The following ESR1 variants were observed in gnomAD, a reference collection of about 807,000 sequenced individuals.
The protein encoded by ESR1 is estrogen receptor.
Under a neutral mutation model 52.7 loss-of-function variants are expected in ESR1, and 12 were observed. The ratio of observed to expected loss-of-function variants is 0.23; its 90% CI spans 0.15 to 0.37. ESR1 has a LOEUF of 0.37. ESR1 is among the 10% of genes least tolerant of loss of function. ESR1 has a pLI of 1.00. For synonymous variants in ESR1, 305 were observed against 316.8 expected, an observed-to-expected ratio of 0.96 and a Z score of 0.39; for missense variants, 584 against 779.7, an observed-to-expected ratio of 0.75 and a Z score of 2.99.
chr6:151,696,531 C>T (rs996047015), intron 1 of ESR1, among the ~76,000 whole-genome samples: 6 of 151,424 alleles, frequency 4.0e-5, no homozygotes, highest in African/African-American at 1.2e-4. Context: ...AGTAGTGCCT[C>T]GGGTGCATAG....
rs184966503 is a variant in ESR1, at chr6:151,907,463, A to G, written c.760+26692A>G. Among the ~76,000 whole-genome samples the G allele has an allele frequency of 3.2e-4, 48 of 152,196 alleles. 1 individual carries two copies. Among genetic ancestry groups the G allele is most frequent in the Non-Finnish European group, 6.3e-4 (43 of 67,974 alleles). On this transcript the variant is annotated intron_variant, in intron 3 of 7. Coordinates refer to ENST00000206249, the MANE Select transcript of ESR1 (RefSeq NM_000125.4). ...CTCATCTTACTGATATTTTAAAGAC[A>G]TATCTTTTTAAAAATTATATTATTA...
In ESR1 at chr6:152,025,590, G is replaced by A. The variant is rs76058053; in HGVS notation, c.1235+13796G>A. Among the ~76,000 whole-genome samples the A allele has an allele frequency of 5.7e-4, 86 of 151,986 alleles. No homozygotes were observed. The East Asian group carries it at 9.5e-3, about 17-fold the overall frequency. The stretch of plus-strand genomic sequence containing the variant: ...CTCTGGTTTGATGGTTACTTTGACC[G>A]TATAATTTATTTTGTGTATTTATGC... On this transcript the variant is annotated intron_variant, in intron 5 of 7. Transcript: ENST00000206249.
chr6:151,776,443 G>A (rs1373461706), intron 2 of ESR1, among the ~76,000 whole-genome samples: 2 of 152,238 alleles, frequency 1.3e-5, no homozygotes, highest in African/African-American at 2.4e-5. Context: ...GCTCAAGCCA[G>A]TTATGGAGCT....
At chr6:151,847,267 A>G (rs1785301972) in intron 2 of ESR1, among the ~76,000 whole-genome samples, 1 of 152,210 alleles carries the variant, frequency 6.6e-6, no homozygotes, top group African/African-American at 2.4e-5. Flanking sequence ...CACCCTGGAT[A>G]GCTCCTTTAA....
exon 7 of ESR1, chr6:152,128,637 C>T (rs902947950): frequency 1.3e-5 from 2 of 152,354 alleles, no homozygotes; most frequent in Middle Eastern, 6.8e-3. Context: ...AACTCAGTCT[C>T]TTTCTCCTCT....
chr6:151,670,673 T>C (rs1052622267), intron 1 of ESR1, among the ~76,000 whole-genome samples: 4 of 151,512 alleles, frequency 2.6e-5, no homozygotes, highest in African/African-American at 9.7e-5. Context: ...AGCCTCCACC[T>C]CCCGGAATCA....
chr6:151,856,426 C>A (rs1261713041), intron 2 of ESR1, among the ~76,000 whole-genome samples: 2 of 152,140 alleles, frequency 1.3e-5, no homozygotes, highest in African/African-American at 2.4e-5. Flanking sequence ...TTAAAAATGG[C>A]TAGAGACTTT....
chr6:151,924,502 A>G (rs2032326547), intron 3 of ESR1, among the ~76,000 whole-genome samples: 1 of 152,042 alleles, frequency 6.6e-6, no homozygotes, highest in East Asian at 1.9e-4. Context: ...TTTGTGTCAC[A>G]GGGGTTTGGT....
intron 2 of ESR1, among the ~76,000 whole-genome samples, chr6:151,860,280 A>G (rs1396163700): frequency 6.6e-6 from 1 of 152,158 alleles, no homozygotes; most frequent in Non-Finnish European, 1.5e-5. Flanking sequence ...GAGTGAGAGC[A>G]CCTGAAATCT....
chr6:152,061,639 G>T lies in ESR1; in HGVS notation c.1369+515G>T, dbSNP rs1297670936. On this transcript the variant is annotated intron_variant, in intron 6 of 7. Coordinates refer to ENST00000206249, the MANE Select transcript of ESR1 (RefSeq NM_000125.4). The surrounding 1 kb of genome is among the most constrained non-coding windows in gnomAD (Gnocchi z 4.3). ...AATGTGGAATGCAATAAATTGTCCAGCTGAAAGAACATTTTCCATTTGCTC... is the reference window on the plus strand; with the variant it reads ...AATGTGGAATGCAATAAATTGTCCATCTGAAAGAACATTTTCCATTTGCTC... 6.6e-6 allele frequency among the ~76,000 whole-genome samples: 1 copy of T among 152,232 alleles called. No individual in the cohort carries two copies. Among genetic ancestry groups the T allele is most frequent in the Non-Finnish European group, 1.5e-5 (1 of 68,036 alleles).
intron 6 of ESR1, chr6:152,122,410 A>T (rs747313729): frequency 6.2e-7 from 1 of 1,613,978 alleles, no homozygotes; most frequent in East Asian, 2.2e-5. Flanking sequence ...TGCTACCAGC[A>T]CTTCTGCAGA....
intron 5 of ESR1, among the ~76,000 whole-genome samples, chr6:152,027,172 G>A (rs2044222378): frequency 1.3e-5 from 2 of 152,036 alleles, no homozygotes; most frequent in Admixed American, 1.3e-4. Flanking sequence ...CCCCATGTTG[G>A]CCAGGCTGGT....
intron 2 of ESR1, among the ~76,000 whole-genome samples, chr6:151,768,682 CATAG>C (rs941679998): frequency 2.0e-5 from 3 of 152,134 alleles, no homozygotes; most frequent in African/African-American, 7.2e-5. Context: ...TAGATAAGTT[CATAG>C]ATAGATAGAT....
At position 152,096,319 on chromosome 6, in the gene ESR1, T is replaced by C. The variant is rs113508562; in HGVS notation, c.1553+1751T>C. On this transcript the variant is annotated intron_variant, in intron 7 of 7. Transcript: ENST00000206249. ...GAAGGCCTATGATGTCTTAAGGAGG[T>C]TGGATTCGATCATTTTTAAGGGACC... 1.0e-3 allele frequency among the ~76,000 whole-genome samples: 152 copies of C among 152,266 alleles called. 1 individual carries two copies. Among genetic ancestry groups the C allele is most frequent in the African/African-American group, 3.5e-3 (145 of 41,552 alleles).
chr6:152,047,002 C>T (rs1305943470), intron 5 of ESR1, among the ~76,000 whole-genome samples: 2 of 152,210 alleles, frequency 1.3e-5, no homozygotes, highest in Non-Finnish European at 2.9e-5. Flanking sequence ...CTCTTACCCT[C>T]ATGAAGAACA....
intron 5 of ESR1, among the ~76,000 whole-genome samples, chr6:152,013,827 C>A (rs769074993): frequency 2.0e-5 from 3 of 152,036 alleles, no homozygotes; most frequent in Admixed American, 2.0e-4. Flanking sequence ...TACCTCTAGA[C>A]CAGGATTTGT....
At chr6:151,658,532 A>G (rs1183865779) in intron 1 of ESR1, among the ~76,000 whole-genome samples, 2 of 152,232 alleles carry the variant, frequency 1.3e-5, no homozygotes, top group African/African-American at 2.4e-5. Context: ...TGGAGTCAAT[A>G]TCATCATTTT....
At chr6:151,961,597 G>A (rs2037670433) in intron 4 of ESR1, among the ~76,000 whole-genome samples, 1 of 152,148 alleles carries the variant, frequency 6.6e-6, no homozygotes. Flanking sequence ...TCCTCACAGA[G>A]GAGGACAGGC....
At chr6:151,970,553 A>G (rs1443452360) in intron 4 of ESR1, among the ~76,000 whole-genome samples, 1 of 152,178 alleles carries the variant, frequency 6.6e-6, no homozygotes, top group African/African-American at 2.4e-5. Context: ...AAGAAATGCT[A>G]TGGCACAGAG....
Sources: allele counts gnomAD v4.1 joint callset (sites outside exome capture counted in the v4.1 genomes callset), GRCh38; gene constraint gnomAD v4.1.1; non-coding constraint Gnocchi (gnomAD v3.1); transcripts MANE v1.5; gene names NCBI Gene and HGNC (gene_info 2026-07-23, HGNC 2026-07-21).